Variants in PARN observed in about 807,000 individuals in gnomAD.
PARN encodes the protein poly(A)-specific ribonuclease.
In PARN, 71 loss-of-function variants were observed where a neutral mutation model predicts 102.8. The observed-to-expected ratio is 0.69, with a 90% CI of 0.57 to 0.84. The LOEUF is 0.84. Among genes scored for constraint, PARN ranks in the 40% least tolerant of loss-of-function variants. The pLI is 0.00. For missense variants in PARN, 782 were observed against 760.9 expected (o/e 1.03, Z -0.33); for synonymous variants, 261 against 252.9 (o/e 1.03, Z -0.30).
intron 21 of PARN, among the ~76,000 whole-genome samples, chr16:14,542,570 A>ATT (rs1966848343): frequency 1.3e-5 from 2 of 151,038 alleles, no homozygotes; most frequent in Non-Finnish European, 1.5e-5. Flanking sequence ...AAAAAATTAA[A>ATT]AAAAAAAAGA....
intron 5 of PARN, among the ~76,000 whole-genome samples, chr16:14,619,182 G>C (rs1389973874): frequency 6.6e-6 from 1 of 152,090 alleles, no homozygotes; most frequent in East Asian, 1.9e-4. Context: ...CAGCCTGAGT[G>C]ACAAAGTGAG....
At chr16:14,589,436 G>A (rs117944383) in intron 13 of PARN, among the ~76,000 whole-genome samples, 2,796 of 152,082 alleles carry the variant, frequency 0.018, 38 homozygotes, top group Non-Finnish European at 0.029. Context: ...ATGGTGGCAT[G>A]TGCCTGTGGT....
chr16:14,621,353 CAG>C (rs1491096906), intron 5 of PARN, among the ~76,000 whole-genome samples: 1 of 152,202 alleles, frequency 6.6e-6, no homozygotes, highest in Non-Finnish European at 1.5e-5. Flanking sequence ...AATTCAAAGT[CAG>C]AGTCATCTAT....
At chr16:14,574,707 C>T (rs544647663) in intron 18 of PARN, among the ~76,000 whole-genome samples, 1 of 151,764 alleles carries the variant, frequency 6.6e-6, no homozygotes, top group South Asian at 2.1e-4. Context: ...AGTGAGACCC[C>T]ATCTCAAAAA....
intron 21 of PARN, among the ~76,000 whole-genome samples, chr16:14,506,727 G>C (rs907508901): frequency 1.3e-5 from 2 of 152,128 alleles, no homozygotes; most frequent in African/African-American, 4.8e-5. Flanking sequence ...GCAGTGGCAC[G>C]AGCCTTTAGT....
At chr16:14,588,708 T>C (rs1970000628) in intron 13 of PARN, among the ~76,000 whole-genome samples, 1 of 151,718 alleles carries the variant, frequency 6.6e-6, no homozygotes, top group African/African-American at 2.4e-5. Flanking sequence ...TGAAATCCCA[T>C]CTCCACTAAA....
intron 21 of PARN, among the ~76,000 whole-genome samples, chr16:14,541,996 G>A (rs1197668034): frequency 6.6e-6 from 1 of 151,426 alleles, no homozygotes; most frequent in Admixed American, 6.6e-5. Flanking sequence ...TGCAGATGTT[G>A]GAATTATTAG....
intron 21 of PARN, among the ~76,000 whole-genome samples, chr16:14,507,083 T>A (rs1596536455): frequency 6.6e-6 from 1 of 151,994 alleles, no homozygotes; most frequent in East Asian, 1.9e-4. Flanking sequence ...TCCCAGCACT[T>A]TGGGAGGCCG....
intron 18 of PARN, among the ~76,000 whole-genome samples, chr16:14,559,577 A>AT (rs1967927520): frequency 7.2e-6 from 1 of 139,592 alleles, no homozygotes; most frequent in Non-Finnish European, 1.6e-5. Context: ...ACGACACTCT[A>AT]TTTAAAAATG....
At chr16:14,627,636 C>G (rs1972759732) in intron 3 of PARN, among the ~76,000 whole-genome samples, 1 of 152,148 alleles carries the variant, frequency 6.6e-6, no homozygotes, top group Non-Finnish European at 1.5e-5. Flanking sequence ...AAATGCTAAA[C>G]TTTCCCCAAA....
At chr16:14,531,792 G>A (rs1021716131) in intron 21 of PARN, among the ~76,000 whole-genome samples, 1 of 151,842 alleles carries the variant, frequency 6.6e-6, no homozygotes, top group Admixed American at 6.6e-5. Context: ...TCAATACTTG[G>A]AAATTCTTTC....
chr16:14,618,609 CGA>C (rs1483887725), intron 5 of PARN, among the ~76,000 whole-genome samples: 1 of 147,806 alleles, frequency 6.8e-6, no homozygotes, highest in African/African-American at 2.5e-5. Context: ...TGCAGTGAGC[CGA>C]GAGAGCCACT....
chr16:14,592,059 T>C (rs1238575635), intron 13 of PARN: 1 of 148,178 alleles, frequency 6.7e-6, no homozygotes, highest in Non-Finnish European at 1.5e-5. Context: ...AGAATCCAGA[T>C]GTGAGAGAGG....
chr16:14,610,877 C>T (rs933401433), intron 6 of PARN, 68 bp from the exon 7 acceptor site: 3 of 1,038,792 alleles, frequency 2.9e-6, no homozygotes, highest in Non-Finnish European at 4.4e-6. Context: ...GTTTAACAAA[C>T]CAAAGAGTCT....
At chr16:14,531,005 A>C (rs1244761014) in intron 21 of PARN, among the ~76,000 whole-genome samples, 1 of 151,570 alleles carries the variant, frequency 6.6e-6, no homozygotes, top group African/African-American at 2.4e-5. Context: ...CCATCCATCC[A>C]TCCCCCACCT....
chr16:14,444,589 G>A (rs1271516863), intron 23 of PARN, among the ~76,000 whole-genome samples: 1 of 152,100 alleles, frequency 6.6e-6, no homozygotes, highest in South Asian at 2.1e-4. Flanking sequence ...CGAAAAGCTT[G>A]TCCCTGAGGA....
rs12448614 is a variant in PARN, at chr16:14,531,899, T to A, written c.1480+20122A>T. Reference sequence around the variant, plus strand: ...CCAAGATAGCAAGATCCCATTTCTTTAAAAAAAAAAAAAAAAAGGCAGGCA... The same window carrying A: ...CCAAGATAGCAAGATCCCATTTCTTAAAAAAAAAAAAAAAAAAGGCAGGCA... On this transcript the variant is annotated intron_variant, in intron 21 of 23. Coordinates refer to ENST00000437198, the MANE Select transcript of PARN (RefSeq NM_002582.4). Among the ~76,000 whole-genome samples the A allele has an allele frequency of 1.2e-3, 126 of 108,948 alleles. 1 individual carries two copies. The highest frequency in any genetic ancestry group is 3.1e-3 in the African/African-American group (101 of 32,822). 71.5% of individuals were successfully genotyped at this position (108,948 alleles called of 152,430 possible).
chr16:14,600,723 G>T (rs1188636567), intron 11 of PARN, among the ~76,000 whole-genome samples: 1 of 152,268 alleles, frequency 6.6e-6, no homozygotes, highest in African/African-American at 2.4e-5. Flanking sequence ...TTGAGGTCGG[G>T]AGTTCGAGAC....
intron 22 of PARN, among the ~76,000 whole-genome samples, chr16:14,477,008 A>G (rs1963088481): frequency 6.6e-6 from 1 of 152,250 alleles, no homozygotes; most frequent in Admixed American, 6.5e-5. Context: ...TGTCCTCAAC[A>G]TTAATTCAAT....
Sources: gnomAD v4.1 joint callset for allele counts (sites outside exome capture counted in the v4.1 genomes callset) on GRCh38, gnomAD v4.1.1 for gene constraint, MANE v1.5 for transcripts, NCBI Gene and HGNC (gene_info 2026-07-23, HGNC 2026-07-21) for gene names.